DMD: variants seen among roughly 807,000 people sequenced by gnomAD.
DMD encodes the protein dystrophin.
Under a neutral mutation model 330.1 loss-of-function variants are expected in DMD, and 63 were observed. That is an observed-to-expected ratio of 0.19 (90% CI 0.16 to 0.24). The LOEUF (loss-of-function observed/expected upper bound fraction) is 0.24. DMD is among the 10% of genes least tolerant of loss of function. DMD has a pLI of 1.00. For missense variants in DMD, 3,344 were observed against 2,684.1 expected (o/e 1.25, Z -5.43); for synonymous variants, 1,223 against 959.8 (o/e 1.27, Z -5.07).
chrX:32,481,458 G>A (rs777609628), intron 21 of DMD, among the ~76,000 whole-genome samples: 18 of 111,045 alleles, frequency 1.6e-4, no homozygotes, highest in South Asian at 7.5e-4. Context: ...AAATTCTTTC[G>A]GAAATGTCTA....
intron 2 of DMD, among the ~76,000 whole-genome samples, chrX:32,934,747 T>G (rs1402116903): frequency 8.9e-6 from 1 of 112,163 alleles, no homozygotes; most frequent in Non-Finnish European, 1.9e-5. Context: ...TATGTGCTCC[T>G]ACACTAGTTC....
intron 61 of DMD, among the ~76,000 whole-genome samples, chrX:31,331,693 T>C (rs1231502856): frequency 1.8e-5 from 2 of 112,013 alleles, no homozygotes; most frequent in African/African-American, 6.5e-5. Flanking sequence ...CCATCTGGGT[T>C]AAGTCAGGTT....
intron 13 of DMD, among the ~76,000 whole-genome samples, chrX:32,585,521 G>A (rs1284713500): frequency 1.9e-5 from 2 of 107,610 alleles, no homozygotes; most frequent in African/African-American, 6.7e-5. Context: ...CTAACACAGT[G>A]AAACCCATCT....
At chrX:32,930,511 C>T (rs1297191219) in intron 2 of DMD, among the ~76,000 whole-genome samples, 1 of 110,951 alleles carries the variant, frequency 9.0e-6, no homozygotes, top group South Asian at 3.8e-4. Flanking sequence ...TATTTCCCAA[C>T]TAATCAAGAC....
intron 44 of DMD, among the ~76,000 whole-genome samples, chrX:32,046,734 TA>T (rs1314768033): frequency 1.8e-5 from 2 of 111,675 alleles, no homozygotes; most frequent in African/African-American, 6.5e-5. Context: ...AAATAATGCT[TA>T]AGAAGAAAAA....
intron 50 of DMD, among the ~76,000 whole-genome samples, chrX:31,778,292 A>G (rs1217996120): frequency 9.0e-6 from 1 of 111,395 alleles, no homozygotes; most frequent in African/African-American, 3.3e-5. Flanking sequence ...GTTTTGGAGG[A>G]TTTTGAAAGT....
At chrX:31,458,777 G>A (rs7055124) in intron 59 of DMD, among the ~76,000 whole-genome samples, 23,507 of 108,891 alleles carry the variant, frequency 0.22, 2,605 homozygotes, top group African/African-American at 0.42. Flanking sequence ...TAGATTCAAA[G>A]TGGGTCAGAT....
intron 9 of DMD, among the ~76,000 whole-genome samples, chrX:32,692,908 C>A (rs2063384987): frequency 9.0e-6 from 1 of 111,731 alleles, no homozygotes; most frequent in Admixed American, 9.5e-5. Context: ...ATGCAATGTT[C>A]TTTATAAAAT....
At chrX:32,439,392 T>C (rs908472015) in intron 28 of DMD, among the ~76,000 whole-genome samples, 4 of 111,388 alleles carry the variant, frequency 3.6e-5, no homozygotes, top group African/African-American at 1.3e-4. Flanking sequence ...TTAAAAGCCA[T>C]CAAATTTTTG....
intron 2 of DMD, among the ~76,000 whole-genome samples, chrX:32,991,574 C>G (rs2092977386): frequency 8.9e-6 from 1 of 111,913 alleles, no homozygotes; most frequent in Non-Finnish European, 1.9e-5. Flanking sequence ...TAATTTTTTG[C>G]CATTGTCTAA....
At chrX:31,689,299 A>G (rs770826035) in intron 52 of DMD, among the ~76,000 whole-genome samples, 1 of 112,304 alleles carries the variant, frequency 8.9e-6, no homozygotes, top group East Asian at 2.8e-4. Context: ...ATGTGCAAAA[A>G]TCACAAGCAT....
chrX:31,364,894 G>A (rs761799386), intron 60 of DMD, among the ~76,000 whole-genome samples: 2 of 110,279 alleles, frequency 1.8e-5, no homozygotes, highest in South Asian at 3.9e-4. Flanking sequence ...TTAGGAGATC[G>A]AGGCCATCCT....
At chrX:31,981,274 G>A (rs1406457460) in intron 44 of DMD, among the ~76,000 whole-genome samples, 1 of 111,414 alleles carries the variant, frequency 9.0e-6, no homozygotes, top group Non-Finnish European at 1.9e-5. Flanking sequence ...GAGATTCAAC[G>A]ATCTTGAATT....
At chrX:32,001,303 G>A (rs2095625150) in intron 44 of DMD, among the ~76,000 whole-genome samples, 1 of 111,319 alleles carries the variant, frequency 9.0e-6, no homozygotes, top group Non-Finnish European at 1.9e-5. Context: ...TGGAAAGAGA[G>A]AAAGTAGGCA....
intron 7 of DMD, among the ~76,000 whole-genome samples, chrX:32,702,327 T>A (rs2064210046): frequency 8.9e-6 from 1 of 111,850 alleles, no homozygotes; most frequent in Non-Finnish European, 1.9e-5. Context: ...GAAACTGAAT[T>A]AATTATGCAT....
chrX:32,161,450 C>T (rs747384357), intron 44 of DMD, among the ~76,000 whole-genome samples: 6 of 111,779 alleles, frequency 5.4e-5, no homozygotes, highest in Non-Finnish European at 9.4e-5. Context: ...GGAGCTTATA[C>T]AAGACCGTGG....
At chrX:32,286,785 C>T (rs1278333353) in intron 43 of DMD, among the ~76,000 whole-genome samples, 1 of 110,883 alleles carries the variant, frequency 9.0e-6, no homozygotes, top group East Asian at 2.8e-4. Flanking sequence ...ATGGAGGTTC[C>T]CTATAATTAT....
At chrX:32,595,951 G>A in intron 12 of DMD, 75 bp from the exon 13 acceptor site, 3 of 941,092 alleles carry the variant, frequency 3.2e-6, no homozygotes, top group Non-Finnish European at 4.6e-6. Flanking sequence ...GCTCTCAAAT[G>A]GTGAAATTTA....
intron 1 of DMD, chrX:33,041,434 G>C: frequency 1.7e-6 from 2 of 1,201,534 alleles, no homozygotes; most frequent in Non-Finnish European, 2.2e-6. Flanking sequence ...GATCAAGACC[G>C]GTGTGGTGAA....
Sources: allele counts gnomAD v4.1 joint callset (sites outside exome capture counted in the v4.1 genomes callset), GRCh38; gene constraint gnomAD v4.1.1; transcripts MANE v1.5; gene names NCBI Gene and HGNC (gene_info 2026-07-23, HGNC 2026-07-21).